Variants in HM13 observed in about 807,000 individuals in gnomAD.
HM13 encodes histocompatibility minor 13.
In HM13, 18 loss-of-function variants were observed where a neutral mutation model predicts 50.0. The ratio of observed to expected loss-of-function variants is 0.36; its 90% CI spans 0.25 to 0.53. The LOEUF (loss-of-function observed/expected upper bound fraction) is 0.53. Ranked by LOEUF, HM13 falls within the 20% of genes least tolerant of loss-of-function variation. HM13 has a pLI of 0.90. For missense variants in HM13, 393 were observed against 552.4 expected, an observed-to-expected ratio of 0.71 and a Z score of 2.89; for synonymous variants, 197 against 232.6, an observed-to-expected ratio of 0.85 and a Z score of 1.39.
rs1984500475 is a variant in HM13 at position 31,559,592 on chromosome 20, C to T, written c.809-19C>T. On this transcript the variant is annotated intron_variant, in intron 8 of 12. Transcript: ENST00000398174. ...CTGCTGCTTCCCTGCCACTCTCTAA[C>T]CCCAGCTTTCTCCCACAGGGATCTT... 1 of 1,613,900 alleles carries T rather than the reference C, an allele frequency of 6.2e-7. No individual in the cohort carries two copies. Among genetic ancestry groups the T allele is most frequent in the Non-Finnish European group, 8.5e-7 (1 of 1,179,904 alleles).
intron 10 of HM13, among the ~76,000 whole-genome samples, chr20:31,565,209 T>C (rs1430187493): frequency 4.0e-5 from 6 of 150,094 alleles, no homozygotes; most frequent in African/African-American, 1.5e-4. Context: ...CTGGGCGTGG[T>C]GCCTCAGGCC....
intron 4 of HM13, chr20:31,548,634 CACAGCAGCCCTAAGAAGGGGTGCTGT>C: frequency 3.3e-5 from 9 of 269,456 alleles, no homozygotes; most frequent in Non-Finnish European, 5.8e-5. Context: ...CTTATTCCCC[CACAGCAGCCCTAAGAAGGGGTGCTGT>C]TATCCCCTTT....
At chr20:31,533,828 C>T (rs1982958119) in intron 2 of HM13, among the ~76,000 whole-genome samples, 1 of 152,142 alleles carries the variant, frequency 6.6e-6, no homozygotes. Flanking sequence ...TTAGAATGAT[C>T]CCATCCTCAT....
At chr20:31,548,090 T>C in intron 4 of HM13, 1 of 1,278,838 alleles carries the variant, frequency 7.8e-7, no homozygotes. Context: ...ATGTGGATAT[T>C]GATTGTGTCG....
intron 4 of HM13, among the ~76,000 whole-genome samples, chr20:31,545,705 C>G (rs1983675135): frequency 6.6e-6 from 1 of 152,172 alleles, no homozygotes; most frequent in Admixed American, 6.5e-5. Flanking sequence ...ATTATCAATG[C>G]TTGACCAAAC....
At position 31,568,065 on chromosome 20, in the gene HM13, C is replaced by T. The variant is rs1985028185; in HGVS notation, c.1035-13C>T. On this transcript the variant is annotated splice_polypyrimidine_tract_variant and intron_variant, in intron 11 of 12. Coordinates refer to ENST00000398174, the MANE Select transcript of HM13 (RefSeq NM_178581.3). Reference sequence around the variant, plus strand: ...ATCTCTTTTTTTCTGTCTCTTCTCTCTCTCTCACACAGCTACGAGTCCTCG... The same window carrying T: ...ATCTCTTTTTTTCTGTCTCTTCTCTTTCTCTCACACAGCTACGAGTCCTCG... 3 of 1,590,480 alleles carry T rather than the reference C, an allele frequency of 1.9e-6. No homozygotes were observed. The South Asian group carries it at 3.4e-5, about 18-fold the overall frequency.
chr20:31,561,542 T>C, intron 9 of HM13, 92 bp from the exon 10 acceptor site: 1 of 887,642 alleles, frequency 1.1e-6, no homozygotes, highest in Non-Finnish European at 1.9e-6. Context: ...CCCCACAACC[T>C]CTAGGGTCTT....
At chr20:31,548,086 ATATT>A in intron 4 of HM13, 1 of 1,299,556 alleles carries the variant, frequency 7.7e-7, no homozygotes, top group Admixed American at 1.7e-5. Flanking sequence ...CTAAATGTGG[ATATT>A]GATTGTGTCG....
At chr20:31,541,959 ATTC>A in intron 3 of HM13, among the ~76,000 whole-genome samples, 1 of 152,240 alleles carries the variant, frequency 6.6e-6, no homozygotes. Flanking sequence ...CAAAACCCCT[ATTC>A]TTTACAGTTT....
In HM13 at chr20:31,524,113, G is replaced by A. The variant is rs181007083; in HGVS notation, c.184-3371G>A. ...TATGGGGCTGGGTGTGGTGGTTCAC[G>A]CCTATAATCTCAGCATTTTGGGAGG... On this transcript the variant is annotated intron_variant, in intron 1 of 12. Coordinates refer to ENST00000398174, the MANE Select transcript of HM13 (RefSeq NM_178581.3). 4.2e-4 allele frequency among the ~76,000 whole-genome samples: 64 copies of A among 152,216 alleles called. No homozygotes were observed. The East Asian group carries it at 8.7e-3, about 21-fold the overall frequency.
intron 7 of HM13, among the ~76,000 whole-genome samples, chr20:31,552,771 T>A (rs1984097697): frequency 6.6e-6 from 1 of 152,010 alleles, no homozygotes; most frequent in African/African-American, 2.4e-5. Flanking sequence ...AGAGAGAAAA[T>A]CTGTAAATCA....
Position 31,569,267 on chromosome 20 carries a change from C to T in HM13, c.*48C>T. 1 of 1,324,650 alleles carries T rather than the reference C, an allele frequency of 7.5e-7. No individual in the cohort carries two copies. The highest frequency in any genetic ancestry group is 1.1e-6 in the Non-Finnish European group (1 of 941,842). 82.1% of individuals were successfully genotyped at this position (1,324,650 alleles called of 1,614,324 possible). A position where few individuals can be genotyped will look rare whatever the true frequency, so the allele number is the denominator to read the frequency against. On this transcript the variant is annotated 3_prime_UTR_variant, in exon 13 of 13. Coordinates refer to ENST00000398174, the MANE Select transcript of HM13 (RefSeq NM_178581.3). ...CAGGGCCAGACCAGACAGATGGGGG[C>T]TGGGCCCACACAGGCGTGCACCGGT...
intron 4 of HM13, 24 bp from the exon 5 acceptor site, chr20:31,549,005 G>T (rs1983872865): frequency 6.2e-7 from 1 of 1,608,814 alleles, no homozygotes; most frequent in South Asian, 1.1e-5. Context: ...TCAGGGAGTG[G>T]ACTTACCTGG....
chr20:31,526,437 G>C (rs994427783), intron 1 of HM13, among the ~76,000 whole-genome samples: 3 of 152,144 alleles, frequency 2.0e-5, no homozygotes, highest in Admixed American at 6.6e-5. Context: ...GATTACAGGC[G>C]TGAGCCACTG....
At chr20:31,538,435 C>T in intron 3 of HM13, 174 bp downstream of exon 3, 1 of 1,443,102 alleles carries the variant, frequency 6.9e-7, no homozygotes, top group Non-Finnish European at 9.2e-7. Flanking sequence ...GAACAATGAC[C>T]TCTCTGGGCC....
intron 2 of HM13, chr20:31,535,123 A>T (rs1355993225): frequency 6.6e-6 from 1 of 151,474 alleles, no homozygotes; most frequent in Non-Finnish European, 1.5e-5. Context: ...CCAGAAGGAG[A>T]ACCTGGGCAG....
intron 3 of HM13, chr20:31,538,597 T>TG (rs1412382246): frequency 1.6e-6 from 2 of 1,277,122 alleles, no homozygotes; most frequent in African/African-American, 3.0e-5. Context: ...GTGGCCTAGC[T>TG]GTGTGCTAAG....
chr20:31,537,873 C>T (rs528292683), intron 2 of HM13, among the ~76,000 whole-genome samples: 7 of 152,260 alleles, frequency 4.6e-5, no homozygotes, highest in African/African-American at 1.7e-4. Flanking sequence ...TGAAGACTCC[C>T]TTATCCCTTC....
rs138336353 is a variant in HM13 at position 31,531,654 on chromosome 20, C to A, written c.282+4072C>A. Among the ~76,000 whole-genome samples, 476 of 152,182 alleles carry A rather than the reference C, an allele frequency of 3.1e-3. 1 individual carries two copies. The highest frequency in any genetic ancestry group is 0.011 in the African/African-American group (456 of 41,522). On this transcript the variant is annotated intron_variant, in intron 2 of 12. Coordinates refer to ENST00000398174, the MANE Select transcript of HM13 (RefSeq NM_178581.3). Reference sequence around the variant, plus strand: ...TGTCACCCAGGCTGGAGTGCAGTGGCATGATCTTGGCTCACTGCAATCTCT... The same window carrying A: ...TGTCACCCAGGCTGGAGTGCAGTGGAATGATCTTGGCTCACTGCAATCTCT...
Sources: gnomAD v4.1 joint callset for allele counts (sites outside exome capture counted in the v4.1 genomes callset) on GRCh38, gnomAD v4.1.1 for gene constraint, MANE v1.5 for transcripts, NCBI Gene and HGNC (gene_info 2026-07-23, HGNC 2026-07-21) for gene names.